The following WDR47 variants were observed in gnomAD, a reference collection of about 807,000 sequenced individuals.
The protein encoded by WDR47 is WD repeat domain 47, also known as WD repeat-containing protein 47.
In WDR47, 32 loss-of-function variants were observed where a neutral mutation model predicts 97.2. That is an observed-to-expected ratio of 0.33 (90% CI 0.25 to 0.44). The LOEUF is 0.44. Ranked by LOEUF, WDR47 falls within the 20% of genes least tolerant of loss-of-function variation. WDR47 has a pLI of 1.00. For missense variants in WDR47, 782 were observed against 1,102.3 expected (o/e 0.71, Z 4.11); for synonymous variants, 375 against 373.5 (o/e 1.00, Z -0.05).
chr1:109,014,023 A>G, intron 3 of WDR47, 98 bp from the exon 4 acceptor site: 3 of 829,298 alleles, frequency 3.6e-6, no homozygotes, highest in Non-Finnish European at 5.7e-6. Flanking sequence ...AAAATTATTC[A>G]AATAATTTAC....
At chr1:108,978,020 G>A (rs2101797504) in intron 13 of WDR47, among the ~76,000 whole-genome samples, 1 of 151,648 alleles carries the variant, frequency 6.6e-6, no homozygotes, top group African/African-American at 2.4e-5. Flanking sequence ...TTTAAATGTG[G>A]CTTGTTATTG....
rs1186369244 is a variant in WDR47 at position 109,002,393 on chromosome 1, A to C, written c.1264T>G (p.Ser422Ala). The C allele has an allele frequency of 6.3e-7, 1 of 1,599,448 alleles. No homozygotes were observed. The highest frequency in any genetic ancestry group is 2.2e-5 in the East Asian group (1 of 44,712). Residue 422 changes from serine to alanine, a missense_variant, in exon 7 of 15, where the codon TCA becomes GCA. By Grantham distance (99) the Ser-to-Ala change is moderately conservative (BLOSUM62 1). Transcript: ENST00000369962. Reference protein sequence around the residue: ...AKQEKNELRDSTEQFQEYYRQ... With the variant: ...AKQEKNELRDATEQFQEYYRQ... ...TAATATTCTTGAAATTGTTCTGTTG[A>C]ATCTCGAAGCTTAAAAACATTAGAA...
chr1:109,004,801 T>G, intron 5 of WDR47, 86 bp from the exon 6 acceptor site: 1 of 1,415,684 alleles, frequency 7.1e-7, no homozygotes, highest in Non-Finnish European at 9.3e-7. Context: ...TTTATTTTAT[T>G]ATTATTATTT....
At chr1:109,019,389 A>G (rs1661653353) in intron 2 of WDR47, among the ~76,000 whole-genome samples, 1 of 151,756 alleles carries the variant, frequency 6.6e-6, no homozygotes, top group Non-Finnish European at 1.5e-5. Flanking sequence ...TCTCAAAAAA[A>G]AAAAAAAAAA....
chr1:108,985,539 T>A (rs958216908), intron 10 of WDR47, among the ~76,000 whole-genome samples: 1 of 152,226 alleles, frequency 6.6e-6, no homozygotes, highest in African/African-American at 2.4e-5. Flanking sequence ...ATTATATCCA[T>A]CTTCCCCACT....
intron 1 of WDR47, among the ~76,000 whole-genome samples, chr1:109,036,023 G>A (rs1662918700): frequency 6.6e-6 from 1 of 151,768 alleles, no homozygotes; most frequent in African/African-American, 2.4e-5. Context: ...AAAGAACTAT[G>A]AAAATGAAAA....
At chr1:109,039,148 T>C (rs1196874050) in intron 1 of WDR47, among the ~76,000 whole-genome samples, 3 of 152,202 alleles carry the variant, frequency 2.0e-5, no homozygotes, top group Non-Finnish European at 4.4e-5. Flanking sequence ...GCATTTACTA[T>C]GTATTAACAA....
At chr1:108,983,643 C>T (rs1209529776) in intron 10 of WDR47, among the ~76,000 whole-genome samples, 192 bp from the exon 11 acceptor site, 1 of 150,940 alleles carries the variant, frequency 6.6e-6, no homozygotes, top group East Asian at 2.0e-4. Context: ...AATTATAAAC[C>T]AAATCATACT....
At chr1:108,981,931 A>T (rs886696395) in intron 12 of WDR47, 67 bp from the exon 13 acceptor site, 4 of 1,538,220 alleles carry the variant, frequency 2.6e-6, no homozygotes, top group Non-Finnish European at 3.5e-6. Flanking sequence ...TTCAAAGCTA[A>T]GCACTCTAGA....
chr1:109,013,149 T>C (rs928117890), intron 4 of WDR47, among the ~76,000 whole-genome samples: 18 of 152,118 alleles, frequency 1.2e-4, no homozygotes, highest in African/African-American at 4.1e-4. Context: ...GAAGGCACCA[T>C]CCATGAACCA....
Position 108,982,673 on chromosome 1 carries a change from A to G in WDR47, c.2202T>C (p.Asp734=), listed in dbSNP as rs1658438670. ...GAILISAGAG[D]CNIYTTDCQR... ...GACAATCGGTTGTATAAATGTTACA[A>G]TCCCCTGCTCCAGCACTTATTAAAA... The change falls in exon 12 of 15, where the codon GAT becomes GAC. Residue 734 remains aspartate (D), a synonymous_variant. Coordinates refer to ENST00000369962, the MANE Select transcript of WDR47 (RefSeq NM_001142551.2). 6.2e-7 allele frequency: 1 copy of G among 1,613,980 alleles called. No individual in the cohort carries two copies.
intron 5 of WDR47, among the ~76,000 whole-genome samples, chr1:109,008,111 A>G (rs948615177): frequency 7.9e-5 from 9 of 113,914 alleles, no homozygotes; most frequent in African/African-American, 2.4e-4. Flanking sequence ...CAAAAAAAAG[A>G]AAAAAAAAAA....
chr1:109,029,074 G>C, intron 1 of WDR47, among the ~76,000 whole-genome samples: 1 of 152,248 alleles, frequency 6.6e-6, no homozygotes, highest in Non-Finnish European at 1.5e-5. Context: ...TTAGTCCTTA[G>C]ATACAATTAA....
intron 6 of WDR47, 35 bp from the exon 7 acceptor site, chr1:109,002,437 G>A (rs1023189136): frequency 6.8e-7 from 1 of 1,474,860 alleles, no homozygotes; most frequent in South Asian, 1.3e-5. Context: ...ATATATTTGA[G>A]CAAACTATGA....
intron 3 of WDR47, among the ~76,000 whole-genome samples, chr1:109,014,161 T>G (rs1351089002): frequency 6.6e-6 from 1 of 152,156 alleles, no homozygotes; most frequent in Non-Finnish European, 1.5e-5. Context: ...ATGGAAGATA[T>G]CAAATGTTAC....
At chr1:108,992,292 A>G (rs1659409567) in intron 8 of WDR47, 2 of 834,804 alleles carry the variant, frequency 2.4e-6, no homozygotes, top group Non-Finnish European at 2.1e-6. Flanking sequence ...ATGGTTCGCT[A>G]TTCACTTGAC....
At chr1:108,973,730 T>C (rs1157159485) in intron 14 of WDR47, among the ~76,000 whole-genome samples, 1 of 150,810 alleles carries the variant, frequency 6.6e-6, no homozygotes, top group Non-Finnish European at 1.5e-5. Flanking sequence ...AAAAAATTTT[T>C]AAAATGTGCC....
At position 109,022,710 on chromosome 1, in the gene WDR47, G is replaced by A. The variant is rs534838367; in HGVS notation, c.158+645C>T. ...AATGATTCTCCTGCCTCAGCCTCCCGACTAGCTGGGATTACAGGCATGTGC... is the reference window on the plus strand; with the variant it reads ...AATGATTCTCCTGCCTCAGCCTCCCAACTAGCTGGGATTACAGGCATGTGC... On this transcript the variant is annotated intron_variant, in intron 2 of 14. Coordinates refer to ENST00000369962, the MANE Select transcript of WDR47 (RefSeq NM_001142551.2). Among the ~76,000 whole-genome samples the A allele has an allele frequency of 2.4e-4, 37 of 151,710 alleles. No individual in the cohort carries two copies. The South Asian group carries it at 5.2e-3, about 21-fold the overall frequency.
intron 13 of WDR47, among the ~76,000 whole-genome samples, chr1:108,976,651 A>G (rs557272939): frequency 2.0e-5 from 3 of 152,048 alleles, no homozygotes; most frequent in South Asian, 4.1e-4. Flanking sequence ...AAATAGTGAT[A>G]AGAGTTCAGT....
Sources: gnomAD v4.1 joint callset for allele counts (sites outside exome capture counted in the v4.1 genomes callset) on GRCh38, gnomAD v4.1.1 for gene constraint, MANE v1.5 for transcripts, NCBI Gene and HGNC (gene_info 2026-07-23, HGNC 2026-07-21) for gene names.